The following FAAH2 variants were observed in gnomAD, a reference collection of about 807,000 sequenced individuals.
FAAH2 encodes the protein fatty-acid amide hydrolase 2.
A neutral mutation model predicts 36.9 loss-of-function variants in FAAH2; 60 were observed. The observed-to-expected ratio is 1.63, with a 90% CI of 1.32 to 2.02. The LOEUF (loss-of-function observed/expected upper bound fraction) is 2.02, where lower values mean the gene tolerates loss of function less well. Among genes scored for constraint, FAAH2 ranks in the 30% most tolerant of loss-of-function variants. FAAH2 has a pLI of 0.00. For missense variants in FAAH2, 689 were observed against 397.5 expected (o/e 1.73, Z -6.23); for synonymous variants, 214 against 143.8 (o/e 1.49, Z -3.49).
At chrX:57,314,699 G>T (rs897260062) in intron 3 of FAAH2, among the ~76,000 whole-genome samples, 2 of 109,912 alleles carry the variant, frequency 1.8e-5, no homozygotes, top group Non-Finnish European at 3.8e-5. Flanking sequence ...CAAAATTAAG[G>T]CAGAAATACA....
At chrX:57,447,269 G>A (rs2056694710) in intron 9 of FAAH2, among the ~76,000 whole-genome samples, 1 of 111,425 alleles carries the variant, frequency 9.0e-6, no homozygotes, top group African/African-American at 3.3e-5. Flanking sequence ...TGGCTTTCCA[G>A]GGTATAGCCT....
At chrX:57,417,664 C>T (rs1270969691) in intron 7 of FAAH2, among the ~76,000 whole-genome samples, 1 of 111,544 alleles carries the variant, frequency 9.0e-6, no homozygotes, top group African/African-American at 3.3e-5. Flanking sequence ...AGGTGTCTGT[C>T]GACCCCTGCT....
At chrX:57,417,617 G>A (rs1323296350) in intron 7 of FAAH2, among the ~76,000 whole-genome samples, 2 of 111,556 alleles carry the variant, frequency 1.8e-5, no homozygotes, top group Admixed American at 9.5e-5. Context: ...CTCTCAGCGG[G>A]GCAACTTCCA....
chrX:57,421,155 G>A (rs1384666911), intron 7 of FAAH2, among the ~76,000 whole-genome samples: 1 of 112,375 alleles, frequency 8.9e-6, no homozygotes, highest in Admixed American at 9.4e-5. Flanking sequence ...AAGCCACAAA[G>A]GTGTTTTTGG....
intron 5 of FAAH2, among the ~76,000 whole-genome samples, chrX:57,373,397 T>A (rs1018844142): frequency 4.3e-4 from 48 of 110,498 alleles, no homozygotes; most frequent in African/African-American, 1.5e-3. Flanking sequence ...ATCTTTTTTT[T>A]TTTTATTTGA....
chrX:57,440,379 C>G (rs1189257686), intron 8 of FAAH2, among the ~76,000 whole-genome samples: 2 of 110,998 alleles, frequency 1.8e-5, no homozygotes, highest in Admixed American at 1.9e-4. Context: ...AATGGGAATT[C>G]ACTCACGATT....
intron 10 of FAAH2, among the ~76,000 whole-genome samples, chrX:57,484,367 TG>T (rs2057436595): frequency 9.0e-6 from 1 of 111,116 alleles, no homozygotes; most frequent in Non-Finnish European, 1.9e-5. Flanking sequence ...TAGGGGTGGC[TG>T]GGGGAACTCC....
chrX:57,148,373 A>G, the FAAH2 span, among the ~76,000 whole-genome samples: 1 of 111,694 alleles, frequency 9.0e-6, no homozygotes, highest in South Asian at 3.8e-4. Flanking sequence ...TTTTCACGAT[A>G]TTGATTCTTC....
chrX:57,483,877 A>G (rs1207736392), intron 10 of FAAH2, among the ~76,000 whole-genome samples: 1 of 97,871 alleles, frequency 1.0e-5, no homozygotes, highest in Non-Finnish European at 2.0e-5. Flanking sequence ...TCAGCTCACC[A>G]CAAGCTCCAC....
At chrX:57,260,965 C>G in the FAAH2 span, among the ~76,000 whole-genome samples, 5 of 111,750 alleles carry the variant, frequency 4.5e-5, no homozygotes, top group African/African-American at 1.6e-4. Flanking sequence ...ATTGCTAAAA[C>G]AGTTTTAAAA....
chrX:57,334,859 A>G (rs763805057), intron 4 of FAAH2, among the ~76,000 whole-genome samples: 2 of 111,609 alleles, frequency 1.8e-5, no homozygotes, highest in East Asian at 5.7e-4. Flanking sequence ...ATAAATGGAA[A>G]CATTTAAAAC....
chrX:57,302,283 C>G (rs180865705), intron 2 of FAAH2, among the ~76,000 whole-genome samples: 2 of 111,713 alleles, frequency 1.8e-5, no homozygotes, highest in African/African-American at 6.5e-5. Context: ...TTGTTTTATC[C>G]TTTCTAAAGG....
the FAAH2 span, among the ~76,000 whole-genome samples, chrX:57,258,243 TG>T: frequency 9.0e-6 from 1 of 111,067 alleles, no homozygotes; most frequent in African/African-American, 3.3e-5. Context: ...AATATCTATA[TG>T]AAAAAAATGA....
At chrX:57,157,890 G>A in the FAAH2 span, among the ~76,000 whole-genome samples, 4 of 109,342 alleles carry the variant, frequency 3.7e-5, no homozygotes, top group Admixed American at 9.8e-5. Context: ...GGGTACATGT[G>A]CACAATGTGC....
the FAAH2 span, among the ~76,000 whole-genome samples, chrX:57,222,162 C>CA: frequency 9.0e-6 from 1 of 111,028 alleles, no homozygotes; most frequent in Non-Finnish European, 1.9e-5. Context: ...GCAAACTAAG[C>CA]AAAAAAATCT....
At chrX:57,464,295 T>A (rs1226215769) in intron 10 of FAAH2, among the ~76,000 whole-genome samples, 1 of 110,711 alleles carries the variant, frequency 9.0e-6, no homozygotes. Context: ...TTAGGACAAA[T>A]ACCTAATGTA....
chrX:57,274,213 G>T, the FAAH2 span, among the ~76,000 whole-genome samples: 1 of 112,028 alleles, frequency 8.9e-6, no homozygotes, highest in Non-Finnish European at 1.9e-5. Flanking sequence ...AAGTCAGAAA[G>T]AAGTTGAATC....
chrX:57,302,292 G>T (rs1035658778), intron 2 of FAAH2, among the ~76,000 whole-genome samples: 4 of 111,818 alleles, frequency 3.6e-5, no homozygotes, highest in African/African-American at 9.8e-5. Context: ...CCTTTCTAAA[G>T]GGGAAAATAA....
intron 7 of FAAH2, among the ~76,000 whole-genome samples, chrX:57,429,849 A>G (rs775199478): frequency 9.1e-6 from 1 of 110,294 alleles, no homozygotes; most frequent in Admixed American, 9.6e-5. Context: ...TTCAGCCATT[A>G]AAAAAGAGAA....
Sources: allele counts gnomAD v4.1 joint callset (sites outside exome capture counted in the v4.1 genomes callset), GRCh38; gene constraint gnomAD v4.1.1; transcripts MANE v1.5; gene names NCBI Gene and HGNC (gene_info 2026-07-23, HGNC 2026-07-21).